FMN1: variants seen among roughly 807,000 people sequenced by gnomAD.
FMN1 encodes the protein formin-1.
In FMN1, 110 loss-of-function variants were observed where a neutral mutation model predicts 132.4. That is an observed-to-expected ratio of 0.83 (90% CI 0.71 to 0.97). The LOEUF (loss-of-function observed/expected upper bound fraction) is 0.97, where lower values mean the gene tolerates loss of function less well. Ranked by LOEUF, FMN1 falls within the 50% of genes least tolerant of loss-of-function variation. The probability of loss-of-function intolerance (pLI) is 0.00; values close to 1 mark genes in which losing one functional copy is unlikely to be tolerated. For missense variants in FMN1, 1,792 were observed against 1,705.3 expected (o/e 1.05, Z -0.90); for synonymous variants, 722 against 651.7 (o/e 1.11, Z -1.64).
At chr15:33,006,999 T>C (rs982465696) in intron 7 of FMN1, among the ~76,000 whole-genome samples, 23 of 152,244 alleles carry the variant, frequency 1.5e-4, no homozygotes, top group African/African-American at 4.8e-4. Context: ...ATGGTGACTA[T>C]AGTTCATAAC....
intron 12 of FMN1, among the ~76,000 whole-genome samples, chr15:32,902,694 A>G (rs1233651362): frequency 6.6e-6 from 1 of 152,240 alleles, no homozygotes; most frequent in African/African-American, 2.4e-5. Flanking sequence ...ATGTGGCAAG[A>G]CAGATCTTAA....
At chr15:32,925,782 C>T (rs1215330723) in intron 10 of FMN1, among the ~76,000 whole-genome samples, 6 of 152,060 alleles carry the variant, frequency 3.9e-5, no homozygotes, top group Non-Finnish European at 5.9e-5. Context: ...ACCCCTGGGC[C>T]GGGCGCAGTG....
At chr15:32,847,654 A>G (rs1277768611) in intron 17 of FMN1, among the ~76,000 whole-genome samples, 13 of 152,200 alleles carry the variant, frequency 8.5e-5, no homozygotes, top group Admixed American at 8.5e-4. Flanking sequence ...GGAGATCGAG[A>G]CCATCCTGGC....
intron 6 of FMN1, among the ~76,000 whole-genome samples, chr15:33,019,555 T>G (rs345838): frequency 0.67 from 101,598 of 151,830 alleles, 34,931 homozygotes; most frequent in Non-Finnish European, 0.75. Context: ...GGGGAGGCTC[T>G]GGCAGCGCAG....
rs755666287 is a variant in FMN1 at position 33,153,424 on chromosome 15, C to A, written c.1491G>T (p.Pro497=). Reference sequence around the variant, plus strand: ...TATTAAACACCTTGCCAAGAGCTGCCGGTGCTGGTGGGGATGGCTTCTTCT... The same window carrying A: ...TATTAAACACCTTGCCAAGAGCTGCAGGTGCTGGTGGGGATGGCTTCTTCT... The part of the protein sequence containing the change: ...GDKKKPSPPA[P]AALGKVFNNS... Residue 497 remains proline, a synonymous_variant, in exon 4 of 21, where the codon CCG becomes CCT. Transcript: ENST00000616417. 6.5e-7 allele frequency: 1 copy of A among 1,536,718 alleles called. No homozygotes were observed. The highest frequency in any genetic ancestry group is 1.4e-5 in the African/African-American group (1 of 73,146).
intron 4 of FMN1, among the ~76,000 whole-genome samples, chr15:33,128,983 CAG>C (rs2140220218): frequency 6.6e-6 from 1 of 152,292 alleles, no homozygotes; most frequent in Non-Finnish European, 1.5e-5. Flanking sequence ...GTCCATTTTA[CAG>C]AGTGCTGATT....
intron 7 of FMN1, among the ~76,000 whole-genome samples, chr15:33,006,185 TC>T (rs2034405932): frequency 6.6e-6 from 1 of 152,104 alleles, no homozygotes; most frequent in Non-Finnish European, 1.5e-5. Context: ...TTTAAGGAAT[TC>T]AAAGGCAAGA....
chr15:33,090,697 C>T (rs2038872740), intron 4 of FMN1, among the ~76,000 whole-genome samples: 2 of 152,160 alleles, frequency 1.3e-5, no homozygotes, highest in Admixed American at 6.6e-5. Context: ...GTCTTCTGGC[C>T]TTTCATTTAG....
chr15:32,818,080 C>T lies in FMN1; in HGVS notation c.3929-13748G>A, dbSNP rs74011838. 2.4e-3 allele frequency among the ~76,000 whole-genome samples: 360 copies of T among 152,126 alleles called. 1 individual carries two copies. Among genetic ancestry groups the T allele is most frequent in the African/African-American group, 8.4e-3 (348 of 41,526 alleles). On this transcript the variant is annotated intron_variant, in intron 17 of 20. Transcript: ENST00000616417. ...CATAAGACTTTCTCTGAGCAATGGCCACTATTAATATGCTGATTCATTTCA... is the reference window on the plus strand; with the variant it reads ...CATAAGACTTTCTCTGAGCAATGGCTACTATTAATATGCTGATTCATTTCA...
chr15:33,075,105 T>C (rs2038155796), intron 5 of FMN1, among the ~76,000 whole-genome samples: 1 of 148,424 alleles, frequency 6.7e-6, no homozygotes, highest in South Asian at 2.1e-4. Flanking sequence ...AGACTTACCC[T>C]GGGGCAAGTT....
At chr15:32,975,296 T>C (rs994054758) in intron 7 of FMN1, among the ~76,000 whole-genome samples, 1 of 152,246 alleles carries the variant, frequency 6.6e-6, no homozygotes, top group Non-Finnish European at 1.5e-5. Context: ...CACAATTTAA[T>C]CATATTTGAA....
intron 4 of FMN1, among the ~76,000 whole-genome samples, chr15:33,092,620 A>G (rs1179542469): frequency 6.6e-6 from 1 of 152,186 alleles, no homozygotes; most frequent in African/African-American, 2.4e-5. Context: ...GCAAGCCTGG[A>G]GCCAAGCTCA....
At chr15:33,078,132 T>C (rs146366195) in intron 5 of FMN1, among the ~76,000 whole-genome samples, 23 of 152,352 alleles carry the variant, frequency 1.5e-4, no homozygotes, top group Non-Finnish European at 2.6e-4. Context: ...CACTAGCTTT[T>C]TGTCACTTGA....
At chr15:32,828,622 T>C (rs369756693) in intron 17 of FMN1, among the ~76,000 whole-genome samples, 85 of 152,230 alleles carry the variant, frequency 5.6e-4, no homozygotes, top group Middle Eastern at 6.8e-3. Flanking sequence ...CAGAGGATGA[T>C]TCAAAAAAGA....
chr15:33,063,230 T>G (rs1258298345), intron 6 of FMN1: 4 of 152,266 alleles, frequency 2.6e-5, no homozygotes, highest in Non-Finnish European at 4.4e-5. Flanking sequence ...TCTCTTTGGG[T>G]TTGGCCAATG....
Position 32,774,918 on chromosome 15 carries a change from A to G in FMN1, c.4216-564T>C, listed in dbSNP as rs74883159. On this transcript the variant is annotated intron_variant, in intron 20 of 20. Transcript: ENST00000616417. ...CCTCAGAGACTGCCTTCTAAAGGGAAGGACATGGACATCTGCTGGGAAGAC... is the reference window on the plus strand; with the variant it reads ...CCTCAGAGACTGCCTTCTAAAGGGAGGGACATGGACATCTGCTGGGAAGAC... Among the ~76,000 whole-genome samples the G allele has an allele frequency of 3.4e-3, 514 of 152,254 alleles. 12 individuals carry two copies. Among genetic ancestry groups the G allele is most frequent in the African/African-American group, 0.012 (491 of 41,548 alleles).
At chr15:33,133,319 C>T (rs750687300) in intron 4 of FMN1, among the ~76,000 whole-genome samples, 11 of 152,148 alleles carry the variant, frequency 7.2e-5, no homozygotes, top group Non-Finnish European at 7.4e-5. Flanking sequence ...ACAGCCTCTG[C>T]GACTCTGAGC....
intron 10 of FMN1, among the ~76,000 whole-genome samples, chr15:32,924,753 C>G (rs190663969): frequency 2.6e-5 from 4 of 152,164 alleles, no homozygotes; most frequent in South Asian, 2.1e-4. Context: ...AGCCCCATCT[C>G]TACTTAAAAA....
intron 4 of FMN1, among the ~76,000 whole-genome samples, chr15:33,094,395 C>T (rs944925311): frequency 4.6e-5 from 7 of 152,174 alleles, no homozygotes; most frequent in African/African-American, 1.7e-4. Context: ...TCCAACATCA[C>T]ACAGTCATGT....
Sources: gnomAD v4.1 joint callset for allele counts (sites outside exome capture counted in the v4.1 genomes callset) on GRCh38, gnomAD v4.1.1 for gene constraint, MANE v1.5 for transcripts, NCBI Gene and HGNC (gene_info 2026-07-23, HGNC 2026-07-21) for gene names.